ZNF276: variants seen among roughly 807,000 people sequenced by gnomAD.
ZNF276 encodes the protein centromere protein Z.
In ZNF276, 59 loss-of-function variants were observed where a neutral mutation model predicts 63.9. The observed-to-expected ratio is 0.92, with a 90% CI of 0.75 to 1.15. ZNF276 has a LOEUF of 1.15. Ranked by LOEUF, ZNF276 falls within the 50% of genes most tolerant of loss-of-function variation. The probability of loss-of-function intolerance (pLI) is 0.00; values close to 1 mark genes in which losing one functional copy is unlikely to be tolerated. For missense variants in ZNF276, 1,084 were observed against 843.8 expected, an observed-to-expected ratio of 1.28 and a Z score of -3.53; for synonymous variants, 496 against 348.4, an observed-to-expected ratio of 1.42 and a Z score of -4.72.
At chr16:89,734,360 C>T (rs1432222645) in intron 9 of ZNF276, among the ~76,000 whole-genome samples, 1 of 152,008 alleles carries the variant, frequency 6.6e-6, no homozygotes, top group African/African-American at 2.4e-5. Flanking sequence ...GAGTCCTGCT[C>T]TGTTGCCCAG....
At chr16:89,732,972 GC>G (rs2061719783) in intron 6 of ZNF276, 1 of 315,242 alleles carries the variant, frequency 3.2e-6, no homozygotes, top group Non-Finnish European at 6.0e-6. Context: ...CTCCCCCTCT[GC>G]TGTGTTCGCC....
intron 5 of ZNF276, among the ~76,000 whole-genome samples, chr16:89,727,571 C>T (rs376337780): frequency 2.6e-5 from 4 of 152,192 alleles, no homozygotes; most frequent in Non-Finnish European, 5.9e-5. Flanking sequence ...CACGCCTCCT[C>T]TCGAGGTGGC....
At position 89,731,701 on chromosome 16, in the gene ZNF276, A is replaced by G. The variant is rs1460008210; in HGVS notation, c.1170-1601A>G. ...AGCCTCCCAGGGTGCTGGGACTGCC[A>G]ACATGAGCCACTGGACTCGGCAGTG... On this transcript the variant is annotated intron_variant, in intron 6 of 10. Transcript: ENST00000443381. 3.3e-5 allele frequency: 5 copies of G among 152,400 alleles called. No homozygotes were observed. The East Asian group carries it at 9.6e-4, about 29-fold the overall frequency. The allele number at this position is 152,400 out of a possible 1,614,324, so 9.4% of individuals were successfully genotyped here. A position where few individuals can be genotyped will look rare whatever the true frequency, so the allele number is the denominator to read the frequency against.
At position 89,739,281 on chromosome 16, in the gene ZNF276, G is replaced by C. The variant is rs112734327; in HGVS notation, c.*1035G>C. 6.2e-7 allele frequency: 1 copy of C among 1,614,124 alleles called. No individual in the cohort carries two copies. The highest frequency in any genetic ancestry group is 8.5e-7 in the Non-Finnish European group (1 of 1,180,024). Reference sequence around the variant, plus strand: ...GATGGCCGCGTCTTCATGGAAGTAGGAGAGAAGACTAGAGGTAAAGACATA... The same window carrying C: ...GATGGCCGCGTCTTCATGGAAGTAGCAGAGAAGACTAGAGGTAAAGACATA... On this transcript the variant is annotated 3_prime_UTR_variant, in exon 11 of 11. Transcript: ENST00000443381.
Position 89,726,250 on chromosome 16 carries a change from G to A in ZNF276, c.1007-1029G>A, listed in dbSNP as rs781483431. On this transcript the variant is annotated intron_variant, in intron 4 of 10. Transcript: ENST00000443381. ...CACTCTTTGTTACCCAGGCTGGAGT[G>A]CAGTGGCACGATATCAGCTCACCAC... 7.9e-5 allele frequency among the ~76,000 whole-genome samples: 12 copies of A among 152,268 alleles called. No individual in the cohort carries two copies. In the East Asian group the frequency reaches 2.1e-3, roughly 27 times the overall value.
chr16:89,727,915 A>G (rs1034485420), intron 5 of ZNF276, among the ~76,000 whole-genome samples: 1 of 152,328 alleles, frequency 6.6e-6, no homozygotes, highest in Non-Finnish European at 1.5e-5. Context: ...GGACCTCATC[A>G]GTGTCTGCAA....
In ZNF276 at chr16:89,738,557, A is replaced by G. The variant is rs1325302475; in HGVS notation, c.*311A>G. On this transcript the variant is annotated 3_prime_UTR_variant, in exon 11 of 11. Transcript: ENST00000443381. ...GAGCTCCATGTTATGCTTGTAATAA[A>G]TTATTTACACGGGAGCTGGGCTGGT... 1.2e-6 allele frequency: 2 copies of G among 1,612,284 alleles called. No individual in the cohort carries two copies. The highest frequency in any genetic ancestry group is 8.5e-7 in the Non-Finnish European group (1 of 1,179,854).
At position 89,738,133 on chromosome 16, in the gene ZNF276, C is replaced by T; in HGVS notation, c.1732C>T (p.Pro578Ser). 1.2e-6 allele frequency: 2 copies of T among 1,613,738 alleles called. No individual in the cohort carries two copies. Among genetic ancestry groups the T allele is most frequent in the Non-Finnish European group, 1.7e-6 (2 of 1,180,018 alleles). Residue 578 changes from proline to serine, a missense_variant, in exon 11 of 11, where the codon CCG (proline) becomes TCG (serine). Coordinates refer to ENST00000443381, the MANE Select transcript of ZNF276 (RefSeq NM_001113525.2). ...NLNVHMSMVH[P>S]LTQTQDKALP... Reference sequence around the variant, plus strand: ...CAATGTACACATGTCCATGGTGCACCCGCTGACACAGACCCAGGACAAGGC... The same window carrying T: ...CAATGTACACATGTCCATGGTGCACTCGCTGACACAGACCCAGGACAAGGC...
chr16:89,736,790 G>A (rs1452994137), intron 9 of ZNF276, among the ~76,000 whole-genome samples: 2 of 29,784 alleles, frequency 6.7e-5, no homozygotes, highest in South Asian at 4.4e-3. Context: ...GCAAGACCCT[G>A]TCTCCAAAAA....
chr16:89,739,858 A>T lies in ZNF276; in HGVS notation c.*1612A>T. ...TATTGCTTTAAACAAGTTTGTGCTT[A>T]ATCTGTCCCAACTAAAATGGAGCTT... On this transcript the variant is annotated 3_prime_UTR_variant, in exon 11 of 11. Coordinates refer to ENST00000443381, the MANE Select transcript of ZNF276 (RefSeq NM_001113525.2). 2 of 1,531,014 alleles carry T rather than the reference A, an allele frequency of 1.3e-6. No individual in the cohort carries two copies. The allele number at this position is 1,531,014 out of a possible 1,614,324, so 94.8% of individuals were successfully genotyped here. A position where few individuals can be genotyped will look rare whatever the true frequency, so the allele number is the denominator to read the frequency against.
chr16:89,736,016 C>T (rs1050040255), intron 9 of ZNF276, among the ~76,000 whole-genome samples: 1 of 152,032 alleles, frequency 6.6e-6, no homozygotes, highest in Non-Finnish European at 1.5e-5. Context: ...CTCAGCCTCC[C>T]AAATAGCTGG....
At chr16:89,724,829 CCTACCTAT>C (rs1163480691) in intron 4 of ZNF276, among the ~76,000 whole-genome samples, 3 of 132,812 alleles carry the variant, frequency 2.3e-5, no homozygotes, top group Non-Finnish European at 3.6e-5. Flanking sequence ...TATCTACCTA[CCTACCTAT>C]CTATCTTCCT....
At chr16:89,723,070 C>T (rs1202210130) in intron 2 of ZNF276, 67 bp from the exon 3 acceptor site, 1 of 1,611,852 alleles carries the variant, frequency 6.2e-7, no homozygotes, top group Admixed American at 1.7e-5. Flanking sequence ...TCGAGAGGGT[C>T]CCGTACGACG....
upstream of ZNF276, chr16:89,721,412 C>T (rs1040979392): frequency 2.4e-6 from 1 of 410,454 alleles, no homozygotes; most frequent in Non-Finnish European, 4.3e-6. Context: ...CCCTCGGGCC[C>T]GAGAGGGGAG....
chr16:89,735,298 G>A (rs186294522), intron 9 of ZNF276, among the ~76,000 whole-genome samples: 1 of 151,146 alleles, frequency 6.6e-6, no homozygotes, highest in Non-Finnish European at 1.5e-5. Flanking sequence ...GTGGGGGGGG[G>A]CCTGGAACCA....
upstream of ZNF276, chr16:89,721,422 G>A (rs2061265643): frequency 2.4e-6 from 1 of 420,682 alleles, no homozygotes; most frequent in Admixed American, 4.6e-5. Flanking sequence ...CGAGAGGGGA[G>A]CGGTACGAGC....
At position 89,728,592 on chromosome 16, in the gene ZNF276, C is replaced by T. The variant is rs183463121; in HGVS notation, c.1086-643C>T. Reference sequence around the variant, plus strand: ...TAATTTTTTGTATTTTTAGCAGAGACGGGGTTTCACTTTGTTAGCCGGGAT... The same window carrying T: ...TAATTTTTTGTATTTTTAGCAGAGATGGGGTTTCACTTTGTTAGCCGGGAT... On this transcript the variant is annotated intron_variant, in intron 5 of 10. Coordinates refer to ENST00000443381, the MANE Select transcript of ZNF276 (RefSeq NM_001113525.2). Among the ~76,000 whole-genome samples the T allele has an allele frequency of 2.5e-3, 387 of 152,088 alleles. 5 individuals carry two copies. The highest frequency in any genetic ancestry group is 0.012 in the East Asian group (61 of 5,172).
intron 6 of ZNF276, chr16:89,731,966 C>T (rs1014198484): frequency 1.3e-5 from 2 of 152,226 alleles, no homozygotes; most frequent in Non-Finnish European, 2.9e-5. Flanking sequence ...TCCAGTGCTG[C>T]CCTGAGAGCA....
chr16:89,739,533 G>T lies in ZNF276; in HGVS notation c.*1287G>T. ...TGCTGATCCGGGGCCACACGGAGGA[G>T]GAGCCGCCCCAGCCTGAGGTCTGCA... is the stretch of plus-strand genomic sequence containing the variant. On this transcript the variant is annotated 3_prime_UTR_variant, in exon 11 of 11. Transcript: ENST00000443381. 1 of 1,551,392 alleles carries T rather than the reference G, an allele frequency of 6.4e-7. No homozygotes were observed. The highest frequency in any genetic ancestry group is 8.7e-7 in the Non-Finnish European group (1 of 1,147,054).
Sources: gnomAD v4.1 joint callset for allele counts (sites outside exome capture counted in the v4.1 genomes callset) on GRCh38, gnomAD v4.1.1 for gene constraint, MANE v1.5 for transcripts, NCBI Gene and HGNC (gene_info 2026-07-23, HGNC 2026-07-21) for gene names.